The following CWF19L1 variants were observed in gnomAD, a reference collection of about 807,000 sequenced individuals.
CWF19L1 encodes CWF19 like cell cycle control factor 1, also known as CWF19-like protein 1.
In CWF19L1, 60 loss-of-function variants were observed where a neutral mutation model predicts 69.7. That is an observed-to-expected ratio of 0.86 (90% CI 0.70 to 1.07). The LOEUF (loss-of-function observed/expected upper bound fraction) is 1.07. Among genes scored for constraint, CWF19L1 ranks in the 50% least tolerant of loss-of-function variants. The pLI is 0.00. For missense variants in CWF19L1, 591 were observed against 638.9 expected (o/e 0.92, Z 0.81); for synonymous variants, 209 against 222.2 (o/e 0.94, Z 0.53).
In CWF19L1 at chr10:100,253,477, T is replaced by G. The variant is rs372013913; in HGVS notation, c.567A>C (p.Lys189Asn). The change falls in exon 6 of 14, where the codon AAA (lysine) becomes AAC (asparagine). Residue 189 changes from lysine to asparagine, a missense_variant. Lys to Asn is a moderately conservative substitution (Grantham distance 94). Around this residue, in one of 3 missense-constraint regions of CWF19L1, gnomAD observed 458 missense variants for 489.3 expected, o/e 0.94. Transcript: ENST00000354105. ...ALVSSLATGL[K>N]PRYHFAALEK... ...CCAAAGCAGCAAAATGGTATCTTGG[T>G]TTCAAGCCCGTGGCAAGACTGGAAA... 16 of 1,613,968 alleles carry G rather than the reference T, an allele frequency of 9.9e-6. No individual in the cohort carries two copies. Among genetic ancestry groups the G allele is most frequent in the Non-Finnish European group, 1.3e-5 (15 of 1,179,954 alleles).
chr10:100,251,826 A>G (rs1847046464), intron 6 of CWF19L1, among the ~76,000 whole-genome samples: 1 of 151,842 alleles, frequency 6.6e-6, no homozygotes, highest in African/African-American at 2.4e-5. Context: ...GGCCATTTTT[A>G]TATGTTCTAT....
At chr10:100,257,658 G>T (rs1219364708) in intron 4 of CWF19L1, among the ~76,000 whole-genome samples, 1 of 151,754 alleles carries the variant, frequency 6.6e-6, no homozygotes, top group Non-Finnish European at 1.5e-5. Flanking sequence ...TCTCTTAAAG[G>T]TCACCCTATA....
chr10:100,249,793 C>T (rs889181101), intron 7 of CWF19L1, among the ~76,000 whole-genome samples: 5 of 152,180 alleles, frequency 3.3e-5, no homozygotes, highest in Admixed American at 2.6e-4. Context: ...ACCATGTTGG[C>T]CAGGCTGGTC....
intron 5 of CWF19L1, among the ~76,000 whole-genome samples, chr10:100,255,661 G>T (rs1847185229): frequency 6.6e-6 from 1 of 151,868 alleles, no homozygotes; most frequent in Non-Finnish European, 1.5e-5. Context: ...TACTTGGGAG[G>T]CTGAGGCAGG....
intron 4 of CWF19L1, among the ~76,000 whole-genome samples, chr10:100,257,827 C>T (rs530442125): frequency 2.6e-5 from 4 of 152,114 alleles, no homozygotes; most frequent in Non-Finnish European, 5.9e-5. Context: ...CTATCATCAA[C>T]CTGCTTCCCT....
intron 1 of CWF19L1, among the ~76,000 whole-genome samples, chr10:100,265,085 C>A (rs1847527866): frequency 1.3e-5 from 2 of 150,140 alleles, no homozygotes; most frequent in African/African-American, 4.9e-5. Context: ...TGCACAATTG[C>A]ACTCCAGCCT....
intron 13 of CWF19L1, among the ~76,000 whole-genome samples, chr10:100,235,132 T>A (rs1846389244): frequency 6.6e-6 from 1 of 152,250 alleles, no homozygotes; most frequent in Non-Finnish European, 1.5e-5. Context: ...GTCACAACTG[T>A]ATTGGACAGT....
chr10:100,250,591 A>G (rs1018035595), intron 6 of CWF19L1, among the ~76,000 whole-genome samples: 17 of 152,206 alleles, frequency 1.1e-4, no homozygotes, highest in Admixed American at 7.2e-4. Flanking sequence ...AAAGAGTTGT[A>G]AAATTGGCAA....
intron 7 of CWF19L1, chr10:100,248,670 A>C: frequency 1.1e-6 from 1 of 894,542 alleles, no homozygotes; most frequent in Non-Finnish European, 1.9e-6. Flanking sequence ...ATGCTGGAGA[A>C]CTAATCACCT....
chr10:100,266,497 A>G (rs1847588885), intron 1 of CWF19L1, among the ~76,000 whole-genome samples: 2 of 143,988 alleles, frequency 1.4e-5, no homozygotes, highest in Non-Finnish European at 3.0e-5. Context: ...CCCTATCACT[A>G]TGGTAACTTT....
At chr10:100,262,221 T>C (rs776755545) in intron 1 of CWF19L1, 158 bp from the exon 2 acceptor site, 117 of 985,312 alleles carry the variant, frequency 1.2e-4, no homozygotes, top group Non-Finnish European at 1.3e-4. Context: ...GCAGATCCAC[T>C]GAGGGTCTCA....
intron 10 of CWF19L1, among the ~76,000 whole-genome samples, chr10:100,239,043 T>C (rs1187522049): frequency 2.5e-5 from 3 of 122,156 alleles, no homozygotes; most frequent in Non-Finnish European, 4.8e-5. Flanking sequence ...TAAGATGGCA[T>C]GATTAGCATC....
chr10:100,237,360 A>C, intron 11 of CWF19L1: 1 of 426,558 alleles, frequency 2.3e-6, no homozygotes, highest in Non-Finnish European at 4.6e-6. Context: ...CTTTGAGACT[A>C]TTTCCTACCA....
chr10:100,233,744 G>A (rs1564847384), intron 13 of CWF19L1, among the ~76,000 whole-genome samples: 1 of 152,282 alleles, frequency 6.6e-6, no homozygotes, highest in African/African-American at 2.4e-5. Context: ...TCTGAGTCTT[G>A]ATTTCCTCAC....
chr10:100,251,713 G>A (rs1358586242), intron 6 of CWF19L1, among the ~76,000 whole-genome samples: 2 of 151,848 alleles, frequency 1.3e-5, no homozygotes, highest in East Asian at 1.9e-4. Context: ...GGGTTTCACC[G>A]TGTTGGCCAG....
intron 5 of CWF19L1, chr10:100,254,601 G>A (rs1847148355): frequency 6.6e-6 from 1 of 152,078 alleles, no homozygotes; most frequent in Admixed American, 6.6e-5. Flanking sequence ...TTCTGCTGAA[G>A]GGCAGGGAAT....
intron 8 of CWF19L1, 67 bp downstream of exon 8, chr10:100,246,728 C>T: frequency 7.0e-7 from 1 of 1,431,960 alleles, no homozygotes; most frequent in Non-Finnish European, 9.5e-7. Flanking sequence ...TTAAACTTGT[C>T]TTATGTACTA....
rs182153932 is a variant in CWF19L1 at position 100,258,863 on chromosome 10, T to A, written c.289+1355A>T. ...GAAATGAAGAAGTTTTCTAGAGAAA[T>A]AAGACCAACAAGGAGGAAATGTGAA... On this transcript the variant is annotated intron_variant, in intron 4 of 13. Coordinates refer to ENST00000354105, the MANE Select transcript of CWF19L1 (RefSeq NM_018294.6). Among the ~76,000 whole-genome samples, 161 of 123,514 alleles carry A rather than the reference T, an allele frequency of 1.3e-3. 1 individual carries two copies. Among genetic ancestry groups the A allele is most frequent in the Non-Finnish European group, 3.1e-4 (18 of 57,594 alleles). The allele number at this position is 123,514 out of a possible 152,430, so 81.0% of individuals were successfully genotyped here.
At chr10:100,262,360 A>T in intron 1 of CWF19L1, 1 of 985,332 alleles carries the variant, frequency 1.0e-6, no homozygotes, top group Non-Finnish European at 1.2e-6. Flanking sequence ...AAAGTCAAAA[A>T]TCCCCCATCC....
Sources: gnomAD v4.1 joint callset for allele counts (sites outside exome capture counted in the v4.1 genomes callset) on GRCh38, gnomAD v4.1.1 for gene constraint, gnomAD v4.1.1 regional missense constraint, MANE v1.5 for transcripts, NCBI Gene and HGNC (gene_info 2026-07-23, HGNC 2026-07-21) for gene names.